ANTXRL: variants seen among roughly 807,000 people sequenced by gnomAD.
The protein encoded by ANTXRL is ANTXR like, also known as anthrax toxin receptor-like.
A neutral mutation model predicts 75.4 loss-of-function variants in ANTXRL; 63 were observed. That is an observed-to-expected ratio of 0.84 (90% CI 0.68 to 1.03). ANTXRL has a LOEUF of 1.03. Ranked by LOEUF, ANTXRL falls within the 50% of genes least tolerant of loss-of-function variation. The pLI is 0.00. For missense variants in ANTXRL, 797 were observed against 789.4 expected (o/e 1.01, Z -0.12); for synonymous variants, 335 against 291.3 (o/e 1.15, Z -1.53).
chr10:46,314,424 T>C (rs1838606895), intron 16 of ANTXRL, among the ~76,000 whole-genome samples: 1 of 152,010 alleles, frequency 6.6e-6, no homozygotes, highest in African/African-American at 2.4e-5. Flanking sequence ...TCCAGCCTTA[T>C]GCACTGAACA....
At chr10:46,314,968 C>G (rs77498872) in intron 16 of ANTXRL, among the ~76,000 whole-genome samples, 8 of 152,010 alleles carry the variant, frequency 5.3e-5, no homozygotes, top group South Asian at 4.1e-4. Flanking sequence ...TTGTGCTTCC[C>G]AACTATAGTC....
intron 16 of ANTXRL, among the ~76,000 whole-genome samples, chr10:46,318,708 G>A (rs1838848510): frequency 6.6e-6 from 1 of 152,140 alleles, no homozygotes; most frequent in South Asian, 2.1e-4. Context: ...GGTACTGACA[G>A]TGTGTATGCA....
chr10:46,329,497 C>T (rs1444094621), intron 16 of ANTXRL, 102 bp from the exon 17 acceptor site: 15 of 1,414,772 alleles, frequency 1.1e-5, no homozygotes, highest in Middle Eastern at 1.8e-4. Flanking sequence ...CTGTGGGTCC[C>T]GATGGGTCCT....
At chr10:46,320,092 A>G (rs1169031483) in intron 16 of ANTXRL, among the ~76,000 whole-genome samples, 9 of 152,160 alleles carry the variant, frequency 5.9e-5, no homozygotes, top group African/African-American at 1.9e-4. Context: ...CTGCCTTTCA[A>G]ATACCTTCCC....
chr10:46,312,563 T>G (rs1838490538), intron 15 of ANTXRL, among the ~76,000 whole-genome samples: 1 of 145,460 alleles, frequency 6.9e-6, no homozygotes, highest in South Asian at 2.3e-4. Context: ...CTCTGCAGCC[T>G]CAGTGGGCAT....
chr10:46,313,350 A>C lies in ANTXRL; in HGVS notation c.1410+34A>C, dbSNP rs781838562. 1.4e-5 allele frequency: 22 copies of C among 1,523,794 alleles called. No individual in the cohort carries two copies. The South Asian group carries it at 2.6e-4, about 18-fold the overall frequency. The allele number at this position is 1,523,794 out of a possible 1,614,324, so 94.4% of individuals were successfully genotyped here. ...GGGCACAGGGACACAGTTGATGGACAAAAGGCCACTGCTTTTCCCCTGACC... is the reference window on the plus strand; with the variant it reads ...GGGCACAGGGACACAGTTGATGGACCAAAGGCCACTGCTTTTCCCCTGACC... On this transcript the variant is annotated intron_variant, in intron 16 of 16. Coordinates refer to ENST00000620264, the MANE Select transcript of ANTXRL (RefSeq NM_001278688.3).
At chr10:46,301,205 T>G (rs73291013) in intron 9 of ANTXRL, among the ~76,000 whole-genome samples, 2,721 of 152,318 alleles carry the variant, frequency 0.018, 69 homozygotes, top group African/African-American at 0.061. Flanking sequence ...GCCTAGTGTC[T>G]GGCTGGCCAG....
upstream of ANTXRL, among the ~76,000 whole-genome samples, chr10:46,286,683 C>T (rs1836779127): frequency 6.6e-6 from 1 of 152,160 alleles, no homozygotes; most frequent in South Asian, 2.1e-4. Context: ...CCATCTCCTT[C>T]CCGAACTGCC....
chr10:46,328,823 G>C (rs1329114997), intron 16 of ANTXRL, among the ~76,000 whole-genome samples: 1 of 151,996 alleles, frequency 6.6e-6, no homozygotes, highest in Non-Finnish European at 1.5e-5. Flanking sequence ...TTTAAGAGAT[G>C]GGAAAGCCAT....
chr10:46,297,453 G>A lies in ANTXRL; in HGVS notation c.633G>A (p.Val211=), dbSNP rs141481948. The A allele has an allele frequency of 3.2e-3, 4,938 of 1,535,764 alleles. 20 individuals are homozygous for A. The highest frequency in any genetic ancestry group is 4.1e-3 in the Non-Finnish European group (4,658 of 1,146,678). ...GGGCCAACGTTTACACCCTGGGTGT[G>A]GCTGATTATAATCTGGATCAGGTAA... ...KLGANVYTLG[V]ADYNLDQITA... The change falls in exon 7 of 17, where the codon GTG becomes GTA. Residue 211 remains valine (V), a synonymous_variant. Transcript: ENST00000620264.
At chr10:46,326,414 GC>G (rs1839214623) in intron 16 of ANTXRL, among the ~76,000 whole-genome samples, 1 of 152,078 alleles carries the variant, frequency 6.6e-6, no homozygotes, top group Non-Finnish European at 1.5e-5. Context: ...GGGTGGCAGT[GC>G]CAGGAGGAGG....
At position 46,288,603 on chromosome 10, in the gene ANTXRL, A is replaced by G. The variant is rs1172649135; in HGVS notation, c.248+1093A>G. The stretch of plus-strand genomic sequence containing the variant: ...CAGGCAGAGTCCACTCACTAGCCAC[A>G]TAGTCTTGGGCAAGTTGCTTCATCA... On this transcript the variant is annotated intron_variant, in intron 1 of 16. Transcript: ENST00000620264. 2.0e-5 allele frequency among the ~76,000 whole-genome samples: 3 copies of G among 152,156 alleles called. No homozygotes were observed. In the East Asian group the frequency reaches 5.8e-4, roughly 29 times the overall value.
intron 10 of ANTXRL, among the ~76,000 whole-genome samples, chr10:46,304,537 T>C (rs1207623797): frequency 6.6e-6 from 1 of 152,148 alleles, no homozygotes; most frequent in African/African-American, 2.4e-5. Context: ...CTGCAATGGC[T>C]TTTGTGCAAG....
At chr10:46,299,276 C>T (rs1837572262) in intron 9 of ANTXRL, among the ~76,000 whole-genome samples, 3 of 152,250 alleles carry the variant, frequency 2.0e-5, no homozygotes, top group East Asian at 3.9e-4. Flanking sequence ...ACTTCCATAG[C>T]CCGACAAAGT....
rs1297936289 is a variant in ANTXRL, at chr10:46,296,680, T to G, written c.508+428T>G. On this transcript the variant is annotated intron_variant, in intron 5 of 16. Transcript: ENST00000620264. ...CCCCCAACTTCCCTCCCCACTGTGT[T>G]GCTGCAGCTCTTGTCAGGAAAAGGC... 2.6e-5 allele frequency among the ~76,000 whole-genome samples: 4 copies of G among 152,278 alleles called. No homozygotes were observed. In the East Asian group the frequency reaches 5.8e-4, roughly 22 times the overall value.
At chr10:46,287,594 G>A in intron 1 of ANTXRL, 84 bp downstream of exon 1, 1 of 1,449,744 alleles carries the variant, frequency 6.9e-7, no homozygotes. Context: ...ACCACTCAAG[G>A]AGATGCAAGC....
At chr10:46,295,093 T>G (rs1255047384) in intron 3 of ANTXRL, among the ~76,000 whole-genome samples, 1 of 152,206 alleles carries the variant, frequency 6.6e-6, no homozygotes, top group Non-Finnish European at 1.5e-5. Flanking sequence ...GTTCAGCCCC[T>G]GCATGCACAG....
rs1554964019 is a variant in ANTXRL at position 46,313,329 on chromosome 10, A to C, written c.1410+13A>C. The C allele has an allele frequency of 1.4e-5, 21 of 1,535,250 alleles. No individual in the cohort carries two copies. Among genetic ancestry groups the C allele is most frequent in the Non-Finnish European group, 1.7e-5 (20 of 1,146,264 alleles). On this transcript the variant is annotated intron_variant, in intron 16 of 16. Coordinates refer to ENST00000620264, the MANE Select transcript of ANTXRL (RefSeq NM_001278688.3). ...GAGCAGGGACCAGGTGAGCTAGGGCACAGGGACACAGTTGATGGACAAAAG... is the reference window on the plus strand; with the variant it reads ...GAGCAGGGACCAGGTGAGCTAGGGCCCAGGGACACAGTTGATGGACAAAAG...
At chr10:46,291,780 C>T (rs1836997164) in intron 1 of ANTXRL, among the ~76,000 whole-genome samples, 1 of 152,168 alleles carries the variant, frequency 6.6e-6, no homozygotes, top group Non-Finnish European at 1.5e-5. Context: ...CCCCACCTAA[C>T]CTGATCAGCC....
Sources: gnomAD v4.1 joint callset for allele counts (sites outside exome capture counted in the v4.1 genomes callset) on GRCh38, gnomAD v4.1.1 for gene constraint, MANE v1.5 for transcripts, NCBI Gene and HGNC (gene_info 2026-07-23, HGNC 2026-07-21) for gene names.